The following COL5A2 variants were observed in gnomAD, a reference collection of about 807,000 sequenced individuals.
COL5A2 encodes the protein collagen alpha-2(V) chain.
A neutral mutation model predicts 208.2 loss-of-function variants in COL5A2; 23 were observed. The ratio of observed to expected loss-of-function variants is 0.11; its 90% CI spans 0.08 to 0.16. The LOEUF (loss-of-function observed/expected upper bound fraction) is 0.16, where lower values mean the gene tolerates loss of function less well. Among genes scored for constraint, COL5A2 ranks in the 10% least tolerant of loss-of-function variants. The probability of loss-of-function intolerance (pLI) is 1.00; values close to 1 mark genes in which losing one functional copy is unlikely to be tolerated. For synonymous variants in COL5A2, 625 were observed against 628.5 expected (o/e 0.99, Z 0.08); for missense variants, 1,590 against 1,956.4 (o/e 0.81, Z 3.53).
chr2:189,438,339 A>G, the COL5A2 span, among the ~76,000 whole-genome samples: 1 of 152,230 alleles, frequency 6.6e-6, no homozygotes. Context: ...TACACTTATG[A>G]TTTGAGCAAT....
In COL5A2 at chr2:189,063,432, C is replaced by A. The variant is rs777490892; in HGVS notation, c.1771-162G>T. Among the ~76,000 whole-genome samples the A allele has an allele frequency of 9.5e-4, 144 of 152,288 alleles. 2 individuals carry two copies. The Middle Eastern group carries it at 0.01, about 11-fold the overall frequency. On this transcript the variant is annotated intron_variant, in intron 26 of 53. Coordinates refer to ENST00000374866, the MANE Select transcript of COL5A2 (RefSeq NM_000393.5). ...ACAGTTGAATGGGTTTTTTAAAAAA[C>A]ACTGAAGTATTTTAAGTAACTAGAA...
chr2:189,345,309 G>C, the COL5A2 span, among the ~76,000 whole-genome samples: 1 of 152,190 alleles, frequency 6.6e-6, no homozygotes, highest in Non-Finnish European at 1.5e-5. Flanking sequence ...TGTGGATGCA[G>C]CAGCTTTCCA....
At chr2:189,302,552 A>G in the COL5A2 span, among the ~76,000 whole-genome samples, 3 of 152,162 alleles carry the variant, frequency 2.0e-5, no homozygotes, top group African/African-American at 7.2e-5. Flanking sequence ...AAAAAATAAT[A>G]TCTTAGAATT....
the COL5A2 span, among the ~76,000 whole-genome samples, chr2:189,237,234 A>G: frequency 6.6e-6 from 1 of 151,648 alleles, no homozygotes; most frequent in East Asian, 1.9e-4. Flanking sequence ...CAGGAACACT[A>G]TTTCCTCCAC....
Position 189,057,349 on chromosome 2 carries a change from C to A in COL5A2, c.2308G>T (p.Ala770Ser), listed in dbSNP as rs1244308550. The A allele has an allele frequency of 2.5e-6, 4 of 1,607,370 alleles. No homozygotes were observed. Among genetic ancestry groups the A allele is most frequent in the Non-Finnish European group, 1.7e-6 (2 of 1,176,510 alleles). ...TCACCCTTGGGGCCAGGAGTTCCTG[C>A]AATTCCTCTTTCTCCCGGCATACCT... ...LQGMPGERGI[A>S]GTPGPKGDRG... The change falls in exon 34 of 54, where the codon GCA becomes TCA. Residue 770 changes from alanine to serine, a missense_variant. Coordinates refer to ENST00000374866, the MANE Select transcript of COL5A2 (RefSeq NM_000393.5).
At chr2:189,164,372 G>GT (rs1391563260) in intron 1 of COL5A2, among the ~76,000 whole-genome samples, 1 of 151,560 alleles carries the variant, frequency 6.6e-6, no homozygotes, top group African/African-American at 2.4e-5. Flanking sequence ...TATCTGTTCT[G>GT]TTTTTCCTCA....
At chr2:189,321,304 T>C in the COL5A2 span, among the ~76,000 whole-genome samples, 1 of 152,164 alleles carries the variant, frequency 6.6e-6, no homozygotes, top group Non-Finnish European at 1.5e-5. Flanking sequence ...AGGATCAAAT[T>C]CACACATAAC....
At chr2:189,330,495 C>A in the COL5A2 span, among the ~76,000 whole-genome samples, 2 of 152,270 alleles carry the variant, frequency 1.3e-5, no homozygotes, top group South Asian at 2.1e-4. Context: ...ATATATCTAT[C>A]TTCTGAGATG....
chr2:189,151,910 A>T (rs1212269727), intron 1 of COL5A2, among the ~76,000 whole-genome samples: 2 of 152,208 alleles, frequency 1.3e-5, no homozygotes, highest in East Asian at 3.8e-4. Context: ...TTCAAAGTGT[A>T]CTGTTGGGTC....
intron 1 of COL5A2, among the ~76,000 whole-genome samples, chr2:189,146,489 C>A (rs1047290265): frequency 2.0e-5 from 3 of 152,046 alleles, no homozygotes; most frequent in East Asian, 1.9e-4. Context: ...CGAGTCTAGG[C>A]AGACTTGAGC....
the COL5A2 span, among the ~76,000 whole-genome samples, chr2:189,404,428 T>C: frequency 6.6e-6 from 1 of 152,186 alleles, no homozygotes; most frequent in Non-Finnish European, 1.5e-5. Flanking sequence ...ATCCAGGACT[T>C]ACATCAGAAG....
chr2:189,095,177 T>C (rs1437881735), intron 6 of COL5A2: 1 of 152,302 alleles, frequency 6.6e-6, no homozygotes, highest in Non-Finnish European at 1.5e-5. Context: ...ATTTATGATA[T>C]TGTGACAGCC....
upstream of COL5A2, chr2:189,179,854 C>T: frequency 1.6e-6 from 1 of 614,936 alleles, no homozygotes; most frequent in South Asian, 2.0e-5. Context: ...GGCTCATAAC[C>T]ATCCAGTGTC....
the COL5A2 span, among the ~76,000 whole-genome samples, chr2:189,378,062 C>A: frequency 0.2 from 30,579 of 152,066 alleles, 3,300 homozygotes; most frequent in South Asian, 0.26. Flanking sequence ...AAAAGAAGTT[C>A]TCATCTTTTG....
intron 6 of COL5A2, 29 bp from the exon 7 acceptor site, chr2:189,092,449 C>T: frequency 7.4e-7 from 1 of 1,358,340 alleles, no homozygotes; most frequent in Non-Finnish European, 1.0e-6. Context: ...AAAATTAGAA[C>T]CCACTGCCAA....
intron 1 of COL5A2, among the ~76,000 whole-genome samples, chr2:189,189,507 G>T (rs1688897307): frequency 6.6e-6 from 1 of 152,198 alleles, no homozygotes; most frequent in Non-Finnish European, 1.5e-5. Context: ...AACATAATGA[G>T]ACCCCATCTC....
At chr2:189,045,661 T>C (rs969852635) in intron 46 of COL5A2, 139 bp downstream of exon 46, 9 of 749,926 alleles carry the variant, frequency 1.2e-5, no homozygotes, top group Middle Eastern at 5.7e-4. Context: ...TAGTAGTTCA[T>C]AATTAGCTGT....
chr2:189,073,778 T>C (rs946100462), intron 17 of COL5A2, among the ~76,000 whole-genome samples: 4 of 152,168 alleles, frequency 2.6e-5, no homozygotes, highest in Non-Finnish European at 5.9e-5. Context: ...GTATAATAAG[T>C]TGCTCTAAAG....
chr2:189,439,379 C>G, the COL5A2 span, among the ~76,000 whole-genome samples: 1 of 152,146 alleles, frequency 6.6e-6, no homozygotes, highest in African/African-American at 2.4e-5. Context: ...TCTGGAAAAT[C>G]CTTTTCCTTC....
Sources: allele counts gnomAD v4.1 joint callset (sites outside exome capture counted in the v4.1 genomes callset), GRCh38; gene constraint gnomAD v4.1.1; transcripts MANE v1.5; gene names NCBI Gene and HGNC (gene_info 2026-07-23, HGNC 2026-07-21).